DNAH11: variants seen among roughly 807,000 people sequenced by gnomAD.
The protein encoded by DNAH11 is dynein axonemal heavy chain 11.
A neutral mutation model predicts 526.0 loss-of-function variants in DNAH11; 442 were observed. The observed-to-expected ratio is 0.84, with a 90% confidence interval of 0.78 to 0.91. The LOEUF (loss-of-function observed/expected upper bound fraction) is 0.91, where lower values mean the gene tolerates loss of function less well. Ranked by LOEUF, DNAH11 falls within the 40% of genes least tolerant of loss-of-function variation. The pLI, the probability that DNAH11 is intolerant of heterozygous loss-of-function variation, is 0.00. For synonymous variants in DNAH11, 2,461 were observed against 1,935.9 expected, an observed-to-expected ratio of 1.27 and a Z score of -7.12; for missense variants, 6,989 against 5,448.7, an observed-to-expected ratio of 1.28 and a Z score of -8.90.
At position 21,726,693 on chromosome 7, in the gene DNAH11, C is replaced by G. The variant is rs181681992; in HGVS notation, c.7440+709C>G. On this transcript the variant is annotated intron_variant, in intron 45 of 81. Transcript: ENST00000409508. ...TGGCTAACACGGTGAAACCCCATCT[C>G]TACTAAAAATACAAAAAATTAGCCG... Among the ~76,000 whole-genome samples the G allele has an allele frequency of 0.01, 1,551 of 150,458 alleles. 160 individuals carry two copies. The East Asian group carries it at 0.25, about 25-fold the overall frequency.
intron 42 of DNAH11, among the ~76,000 whole-genome samples, chr7:21,713,810 C>T (rs1298482208): frequency 1.3e-5 from 2 of 152,136 alleles, no homozygotes; most frequent in Non-Finnish European, 2.9e-5. Flanking sequence ...TTGACAGAGC[C>T]TTTATTGGAT....
Position 21,608,811 on chromosome 7 carries a change from C to T in DNAH11, c.3852+2078C>T, listed in dbSNP as rs1240188019. On this transcript the variant is annotated intron_variant, in intron 20 of 81. Transcript: ENST00000409508. ...TCATGTTCATGCTATACTATAACAG[C>T]ATGTAGTTACATATTTAAAAGTCAG... is the stretch of plus-strand genomic sequence containing the variant. 2.1e-5 allele frequency among the ~76,000 whole-genome samples: 3 copies of T among 139,930 alleles called. No homozygotes were observed. The East Asian group carries it at 6.4e-4, about 30-fold the overall frequency. 91.8% of individuals were successfully genotyped at this position (139,930 alleles called of 152,430 possible). A position where few individuals can be genotyped will look rare whatever the true frequency, so the allele number is the denominator to read the frequency against.
chr7:21,877,999 G>A (rs948393066), intron 74 of DNAH11, among the ~76,000 whole-genome samples: 1 of 151,562 alleles, frequency 6.6e-6, no homozygotes, highest in Non-Finnish European at 1.5e-5. Flanking sequence ...TTCTGTTTCT[G>A]TAAAATTTGC....
chr7:21,852,602 A>G lies in DNAH11; in HGVS notation c.11032A>G (p.Lys3678Glu). 6.2e-7 allele frequency: 1 copy of G among 1,604,534 alleles called. No individual in the cohort carries two copies. The highest frequency in any genetic ancestry group is 1.1e-5 in the South Asian group (1 of 88,638). The change falls in exon 67 of 82, where the codon AAG becomes GAG. Residue 3678 changes from lysine to glutamate, a missense_variant. Transcript: ENST00000409508. ...ACTGGTAGAGAGATTGGAGGCAACA[A>G]AGACCACCGTGGCAGAGATAGAGCA... Reference protein sequence around the residue: ...TKLVERLEATKTTVAEIEHKV... With the variant: ...TKLVERLEATETTVAEIEHKV...
intron 1 of DNAH11, among the ~76,000 whole-genome samples, chr7:21,544,226 A>T (rs1459894996): frequency 6.6e-6 from 1 of 152,230 alleles, no homozygotes; most frequent in East Asian, 1.9e-4. Flanking sequence ...ACTTGTATTT[A>T]GTATTTTTCA....
chr7:21,592,282 G>A (rs760487104), intron 14 of DNAH11, among the ~76,000 whole-genome samples: 3 of 152,188 alleles, frequency 2.0e-5, no homozygotes, highest in Non-Finnish European at 4.4e-5. Flanking sequence ...CTTGCGGGTA[G>A]GGTGGTTGGG....
chr7:21,900,610 C>CCAAGATGTTCCTTT (rs1784753303), intron 81 of DNAH11, among the ~76,000 whole-genome samples: 1 of 152,110 alleles, frequency 6.6e-6, no homozygotes, highest in Non-Finnish European at 1.5e-5. Flanking sequence ...TTAGTCCCTA[C>CCAAGATGTTCCTTT]CAAGATGTTC....
rs200380062 is a variant in DNAH11, at chr7:21,691,168, TTTTTTTTTTC to T, written c.6041+297_6041+306del. 0.061 allele frequency among the ~76,000 whole-genome samples: 7,559 copies of T among 123,074 alleles called. 239 individuals are homozygous for T. The highest frequency in any genetic ancestry group is 0.21 in the East Asian group (936 of 4,464). The allele number at this position is 123,074 out of a possible 152,430, so 80.7% of individuals were successfully genotyped here. A position where few individuals can be genotyped will look rare whatever the true frequency, so the allele number is the denominator to read the frequency against. On this transcript the variant is annotated intron_variant, in intron 35 of 81. Transcript: ENST00000409508. ...TTATTATAAACATAATCTTTCATAA[TTTTTTTTTTC>T]TTTTTTTTTTTTTAACAGTCAAAGT...
chr7:21,721,782 G>T (rs965142799), intron 44 of DNAH11, among the ~76,000 whole-genome samples: 3 of 152,142 alleles, frequency 2.0e-5, no homozygotes, highest in African/African-American at 7.2e-5. Context: ...TGGGAGGGGG[G>T]ATCACAATTC....
At chr7:21,895,060 C>A in intron 79 of DNAH11, 61 bp downstream of exon 79, 1 of 1,325,174 alleles carries the variant, frequency 7.5e-7, no homozygotes, top group South Asian at 1.2e-5. Flanking sequence ...GGTTAGTGTT[C>A]TGAATAATGC....
intron 66 of DNAH11, among the ~76,000 whole-genome samples, chr7:21,844,213 A>T (rs1031299618): frequency 6.6e-6 from 1 of 152,122 alleles, no homozygotes; most frequent in Non-Finnish European, 1.5e-5. Context: ...AGATCACTTG[A>T]GGCCAGTTTG....
At chr7:21,587,967 C>CT (rs766994150) in intron 9 of DNAH11, 97 bp from the exon 10 acceptor site, 380 of 1,174,622 alleles carry the variant, frequency 3.2e-4, no homozygotes, top group Non-Finnish European at 4.3e-4. Flanking sequence ...AGATTCTAAA[C>CT]TTTAGTCATG....
At chr7:21,873,564 C>A (rs1054559739) in intron 74 of DNAH11, 63 bp downstream of exon 74, 1 of 1,505,440 alleles carries the variant, frequency 6.6e-7, no homozygotes, top group Non-Finnish European at 9.2e-7. Flanking sequence ...GACTGTGGGG[C>A]CCAGAATCAA....
At chr7:21,765,851 G>A (rs988451835) in intron 55 of DNAH11, among the ~76,000 whole-genome samples, 8 of 152,208 alleles carry the variant, frequency 5.3e-5, no homozygotes, top group African/African-American at 1.9e-4. Flanking sequence ...CACAGCACTT[G>A]AGTATGTTCT....
intron 57 of DNAH11, among the ~76,000 whole-genome samples, chr7:21,782,326 G>C (rs944550931): frequency 2.6e-5 from 4 of 152,194 alleles, no homozygotes; most frequent in Non-Finnish European, 5.9e-5. Flanking sequence ...CTGTTTTATA[G>C]GTTGAGCCTT....
At position 21,868,855 on chromosome 7, in the gene DNAH11, C is replaced by G. The variant is rs959827065; in HGVS notation, c.11840-9C>G. 6 of 1,613,816 alleles carry G rather than the reference C, an allele frequency of 3.7e-6. No individual in the cohort carries two copies. Among genetic ancestry groups the G allele is most frequent in the Non-Finnish European group, 5.1e-6 (6 of 1,179,864 alleles). On this transcript the variant is annotated splice_polypyrimidine_tract_variant and intron_variant, in intron 72 of 81. Coordinates refer to ENST00000409508, the MANE Select transcript of DNAH11 (RefSeq NM_001277115.2). ...ACATTTCCTCTCACCGTGGTGTATT[C>G]TCCCACAGGCAAAAGACTTGGCTTT...
At chr7:21,652,357 G>A (rs1163900853) in intron 28 of DNAH11, among the ~76,000 whole-genome samples, 1 of 152,206 alleles carries the variant, frequency 6.6e-6, no homozygotes, top group Non-Finnish European at 1.5e-5. Flanking sequence ...TGCTTGAAAG[G>A]TAAAATGTTG....
intron 30 of DNAH11, among the ~76,000 whole-genome samples, chr7:21,669,881 A>G (rs1011374295): frequency 2.0e-5 from 3 of 152,032 alleles, no homozygotes; most frequent in African/African-American, 7.2e-5. Context: ...CTCTTGTTTC[A>G]TTGATCTATT....
chr7:21,573,197 C>G (rs2128437747), intron 8 of DNAH11, among the ~76,000 whole-genome samples: 1 of 152,330 alleles, frequency 6.6e-6, no homozygotes, highest in Middle Eastern at 3.4e-3. Context: ...ACTCCTGTCT[C>G]TGCCTAAAGC....
Sources: allele counts gnomAD v4.1 joint callset (sites outside exome capture counted in the v4.1 genomes callset), GRCh38; gene constraint gnomAD v4.1.1; transcripts MANE v1.5; gene names NCBI Gene and HGNC (gene_info 2026-07-23, HGNC 2026-07-21).